WWTR1: variants seen among roughly 807,000 people sequenced by gnomAD.
The protein encoded by WWTR1 is WW domain containing transcription regulator 1.
A neutral mutation model predicts 40.1 loss-of-function variants in WWTR1; 13 were observed. That is an observed-to-expected ratio of 0.32 (90% CI 0.21 to 0.52). The LOEUF is 0.52. WWTR1 is among the 20% of genes least tolerant of loss of function. The pLI is 0.97. For missense variants in WWTR1, 436 were observed against 523.1 expected, an observed-to-expected ratio of 0.83 and a Z score of 1.63; for synonymous variants, 230 against 210.1, an observed-to-expected ratio of 1.09 and a Z score of -0.82.
intron 3 of WWTR1, among the ~76,000 whole-genome samples, chr3:149,550,362 G>A (rs1363442536): frequency 6.6e-6 from 1 of 152,102 alleles, no homozygotes; most frequent in Non-Finnish European, 1.5e-5. Context: ...TATTTTATTG[G>A]AAGATTTGTC....
chr3:149,715,609 C>T (rs1000790479), intron 5 of WWTR1, among the ~76,000 whole-genome samples: 2 of 152,172 alleles, frequency 1.3e-5, no homozygotes, highest in Non-Finnish European at 2.9e-5. Context: ...GCCGAGTGGG[C>T]GGAACAAGCC....
intron 3 of WWTR1, among the ~76,000 whole-genome samples, chr3:149,547,263 G>A (rs1478045074): frequency 2.7e-5 from 4 of 147,656 alleles, no homozygotes; most frequent in Admixed American, 1.4e-4. Context: ...GGTGGCTTAC[G>A]TCTGTAATCC....
At chr3:149,576,500 G>A (rs1327846800) in intron 2 of WWTR1, among the ~76,000 whole-genome samples, 1 of 152,004 alleles carries the variant, frequency 6.6e-6, no homozygotes, top group Non-Finnish European at 1.5e-5. Flanking sequence ...CCACTTCCCC[G>A]CTACTCCCAC....
intron 2 of WWTR1, among the ~76,000 whole-genome samples, chr3:149,610,992 T>C (rs56327181): frequency 7.3e-6 from 1 of 136,894 alleles, no homozygotes; most frequent in East Asian, 2.2e-4. Flanking sequence ...AAAAAAAAAA[T>C]TTTTTTTAAA....
In WWTR1 at chr3:149,619,035, A is replaced by G. The variant is rs531988874; in HGVS notation, c.431+37841T>C. Among the ~76,000 whole-genome samples the G allele has an allele frequency of 4.9e-4, 74 of 152,362 alleles. 1 individual carries two copies. Among genetic ancestry groups the G allele is most frequent in the Admixed American group, 3.3e-3 (51 of 15,298 alleles). The stretch of plus-strand genomic sequence containing the variant: ...AAACGTGCCATTCTGTCATGACCTT[A>G]TCCTGCTGAGAGACAGACAGAAACA... On this transcript the variant is annotated intron_variant, in intron 2 of 6. Transcript: ENST00000360632.
chr3:149,550,781 A>AT (rs1736585714), intron 3 of WWTR1, among the ~76,000 whole-genome samples: 2 of 115,478 alleles, frequency 1.7e-5, no homozygotes, highest in Admixed American at 8.4e-5. Flanking sequence ...ATATCTGCTG[A>AT]CATTTTCCAT....
At chr3:149,654,626 G>C (rs1713089221) in intron 2 of WWTR1, among the ~76,000 whole-genome samples, 1 of 151,934 alleles carries the variant, frequency 6.6e-6, no homozygotes, top group South Asian at 2.1e-4. Context: ...TTGTTCACAG[G>C]CAGTTCTGAG....
upstream of WWTR1, among the ~76,000 whole-genome samples, chr3:149,707,501 G>A (rs1170639892): frequency 2.0e-5 from 3 of 152,040 alleles, no homozygotes; most frequent in Non-Finnish European, 2.9e-5. Flanking sequence ...CCAAAGTGTA[G>A]TCCTCATTAA....
chr3:149,639,887 G>T (rs543456663), intron 2 of WWTR1, among the ~76,000 whole-genome samples: 1 of 151,920 alleles, frequency 6.6e-6, no homozygotes, highest in South Asian at 2.1e-4. Context: ...CCAGCTACTT[G>T]GGAGGCTGAG....
chr3:149,539,421 G>A (rs1424356307), intron 4 of WWTR1, among the ~76,000 whole-genome samples: 1 of 152,094 alleles, frequency 6.6e-6, no homozygotes, highest in African/African-American at 2.4e-5. Flanking sequence ...TCCCAGACAG[G>A]CTCAGTTGGT....
rs901035015 is a variant in WWTR1, at chr3:149,686,700, C to G, written c.-108+16424G>C. On this transcript the variant is annotated intron_variant, in intron 1 of 7. Coordinates refer to the WWTR1 transcript ENST00000465804. ...TTGGTGTAGACTATCAGGATTTACCCCTGAGCTAGGAATAGGGTCATATTC... is the reference window on the plus strand; with the variant it reads ...TTGGTGTAGACTATCAGGATTTACCGCTGAGCTAGGAATAGGGTCATATTC... Among the ~76,000 whole-genome samples the G allele has an allele frequency of 4.6e-5, 7 of 152,196 alleles. No individual in the cohort carries two copies. In the South Asian group the frequency reaches 1.5e-3, roughly 32 times the overall value.
chr3:149,689,403 C>A (rs1305762983), intron 1 of WWTR1, among the ~76,000 whole-genome samples: 134 of 84,520 alleles, frequency 1.6e-3, no homozygotes, highest in Non-Finnish European at 1.7e-3. Context: ...AAAAAAAAAG[C>A]AAAGAAGACA....
chr3:149,543,580 C>CAAAAAAA (rs755442408), intron 3 of WWTR1, among the ~76,000 whole-genome samples: 3,448 of 30,858 alleles, frequency 0.11, 729 homozygotes, highest in African/African-American at 0.24. Flanking sequence ...GACTCTGTCT[C>CAAAAAAA]AAAAAAAAAA....
chr3:149,617,923 T>C (rs1422479140), intron 2 of WWTR1, among the ~76,000 whole-genome samples: 2 of 151,144 alleles, frequency 1.3e-5, no homozygotes, highest in Admixed American at 6.6e-5. Context: ...TATTCCACCA[T>C]TGGCTAAAAG....
upstream of WWTR1, among the ~76,000 whole-genome samples, chr3:149,659,059 G>A (rs1006678745): frequency 2.0e-5 from 3 of 152,200 alleles, no homozygotes; most frequent in Non-Finnish European, 4.4e-5. Context: ...CGAAACAGCT[G>A]CGGGAAGTAG....
chr3:149,702,512 G>A (rs945492209), intron 1 of WWTR1: 3 of 144,388 alleles, frequency 2.1e-5, no homozygotes, highest in African/African-American at 7.4e-5. Flanking sequence ...CAACATGGTT[G>A]TAATAATATT....
rs75083689 is a variant in WWTR1, at chr3:149,657,906, T to G, written c.-145A>C. ...TGGCTGACAAATCCCGACCCGACTC[T>G]GTGCCTGGCAGTCTAAGGGCTTCGG... On this transcript the variant is annotated 5_prime_UTR_variant, in exon 1 of 7. Transcript: ENST00000360632. The G allele has an allele frequency of 0.066, 10,153 of 153,210 alleles. 853 individuals are homozygous for G. The highest frequency in any genetic ancestry group is 0.19 in the African/African-American group (7,998 of 41,540). The allele number at this position is 153,210 out of a possible 1,614,324, so 9.5% of individuals were successfully genotyped here.
chr3:149,717,057 A>G (rs1267503581), intron 5 of WWTR1, among the ~76,000 whole-genome samples: 2 of 152,110 alleles, frequency 1.3e-5, no homozygotes, highest in Non-Finnish European at 2.9e-5. Context: ...AGTCCCAGCT[A>G]TCTGGGGGCT....
chr3:149,564,487 CT>C (rs11311722), intron 3 of WWTR1, among the ~76,000 whole-genome samples: 48,459 of 143,288 alleles, frequency 0.34, 9,264 homozygotes, highest in East Asian at 0.77. Flanking sequence ...TGTTCTCACT[CT>C]TTTTTTTTTT....
Sources: gnomAD v4.1 joint callset for allele counts (sites outside exome capture counted in the v4.1 genomes callset) on GRCh38, gnomAD v4.1.1 for gene constraint, MANE v1.5 for transcripts, NCBI Gene and HGNC (gene_info 2026-07-23, HGNC 2026-07-21) for gene names.